GRK4: variants seen among roughly 807,000 people sequenced by gnomAD.
The protein encoded by GRK4 is G protein-coupled receptor kinase 2-like.
A neutral mutation model predicts 77.9 loss-of-function variants in GRK4; 73 were observed. The observed-to-expected ratio is 0.94, with a 90% CI of 0.78 to 1.14. The LOEUF (loss-of-function observed/expected upper bound fraction) is 1.14, where lower values mean the gene tolerates loss of function less well. Ranked by LOEUF, GRK4 falls within the 50% of genes most tolerant of loss-of-function variation. The probability of loss-of-function intolerance (pLI) is 0.00; values close to 1 mark genes in which losing one functional copy is unlikely to be tolerated. For missense variants in GRK4, 729 were observed against 700.2 expected (o/e 1.04, Z -0.46); for synonymous variants, 257 against 254.4 (o/e 1.01, Z -0.10).
chr4:2,986,336 A>G (rs1222269117), intron 2 of GRK4, among the ~76,000 whole-genome samples: 3 of 103,994 alleles, frequency 2.9e-5, no homozygotes, highest in African/African-American at 1.1e-4. Flanking sequence ...AAAGTTCTTT[A>G]TATATAAAAG....
intron 10 of GRK4, among the ~76,000 whole-genome samples, chr4:3,022,971 A>G (rs1256979466): frequency 1.3e-5 from 2 of 152,212 alleles, no homozygotes; most frequent in Admixed American, 6.5e-5. Flanking sequence ...TTACAGGCAT[A>G]AGCCACTGTG....
intron 12 of GRK4, among the ~76,000 whole-genome samples, chr4:3,030,562 A>G (rs1177842080): frequency 6.6e-6 from 1 of 152,158 alleles, no homozygotes; most frequent in Non-Finnish European, 1.5e-5. Context: ...AGGAAACAGA[A>G]CAAATGCATA....
rs1480828232 is a variant in GRK4, at chr4:2,968,961, C to A, written c.52+4839C>A. Among the ~76,000 whole-genome samples, 4 of 151,932 alleles carry A rather than the reference C, an allele frequency of 2.6e-5. No individual in the cohort carries two copies. The East Asian group carries it at 7.7e-4, about 29-fold the overall frequency. On this transcript the variant is annotated intron_variant, in intron 1 of 15. Transcript: ENST00000398052. ...TCCTGCATCCGTGGCTAAGGGGGAA[C>A]CAGGCAGCTGGAATGACAGTCCCAC...
chr4:2,988,449 C>T (rs1359090713), intron 2 of GRK4, among the ~76,000 whole-genome samples: 1 of 151,824 alleles, frequency 6.6e-6, no homozygotes, highest in Non-Finnish European at 1.5e-5. Flanking sequence ...TTTCTATGTT[C>T]TAGATATTAG....
intron 1 of GRK4, chr4:2,965,328 G>A (rs919337662): frequency 1.0e-4 from 71 of 702,912 alleles, no homozygotes; most frequent in East Asian, 2.1e-4. Flanking sequence ...CCTCTGTCTC[G>A]GACCTCATGT....
chr4:3,022,036 C>G (rs1298938131), intron 9 of GRK4, among the ~76,000 whole-genome samples: 5 of 152,120 alleles, frequency 3.3e-5, no homozygotes, highest in East Asian at 1.9e-4. Context: ...ACCACTGCAC[C>G]CAGCTTGAGG....
intron 4 of GRK4, among the ~76,000 whole-genome samples, chr4:3,003,027 C>T (rs192246117): frequency 6.6e-5 from 10 of 152,200 alleles, no homozygotes; most frequent in South Asian, 6.2e-4. Flanking sequence ...TCTCCAGAAC[C>T]GACCTTTTCA....
rs578035370 is a variant in GRK4, at chr4:2,979,056, C to A, written c.53-5457C>A. Among the ~76,000 whole-genome samples the A allele has an allele frequency of 1.8e-4, 27 of 151,768 alleles. No individual in the cohort carries two copies. The South Asian group carries it at 2.3e-3, about 13-fold the overall frequency. ...CATCCTGGTTAACGTGGTGAAACACCGTCTGTAAATACAAAAAAATTAGCC... is the reference window on the plus strand; with the variant it reads ...CATCCTGGTTAACGTGGTGAAACACAGTCTGTAAATACAAAAAAATTAGCC... On this transcript the variant is annotated intron_variant, in intron 1 of 15. Transcript: ENST00000398052.
chr4:2,993,685 AC>A lies in GRK4; in HGVS notation c.339+1394del, dbSNP rs369980891. On this transcript the variant is annotated intron_variant, in intron 4 of 15. Transcript: ENST00000398052. ...GAGACTCTGTCTCAAAACAAAACAA[AC>A]AAAAAAACACAAAAAAATCACTGCT... is the stretch of plus-strand genomic sequence containing the variant. Among the ~76,000 whole-genome samples the A allele has an allele frequency of 7.7e-4, 117 of 152,258 alleles. 1 individual carries two copies. The East Asian group carries it at 0.018, about 23-fold the overall frequency.
intron 5 of GRK4, among the ~76,000 whole-genome samples, chr4:3,005,696 C>T (rs971426184): frequency 2.0e-5 from 3 of 152,002 alleles, no homozygotes; most frequent in Non-Finnish European, 4.4e-5. Context: ...CCCAGCTACT[C>T]AGGAGGCTGA....
At position 3,019,710 on chromosome 4, in the gene GRK4, G is replaced by T. The variant is rs751081081; in HGVS notation, c.811G>T (p.Asp271Tyr). 2 of 1,614,210 alleles carry T rather than the reference G, an allele frequency of 1.2e-6. No homozygotes were observed. Among genetic ancestry groups the T allele is most frequent in the Admixed American group, 3.3e-5 (2 of 60,022 alleles). The change falls in exon 9 of 16, where the codon GAT becomes TAT. Residue 271 changes from aspartate (D) to tyrosine (Y), a missense_variant. Transcript: ENST00000398052. ...CLVLTIMNGGDLKFHIYNLGN... is the reference protein window; with the variant it reads ...CLVLTIMNGGYLKFHIYNLGN... ...GGTGCTCACCATTATGAATGGAGGG[G>T]ATTTGAAGTTTCACATTTACAACCT...
chr4:3,029,122 A>T, intron 11 of GRK4, 79 bp from the exon 12 acceptor site: 1 of 1,094,532 alleles, frequency 9.1e-7, no homozygotes, highest in Non-Finnish European at 1.4e-6. Flanking sequence ...CGTTGAATGT[A>T]TACTGTGTTA....
At chr4:2,984,671 G>A (rs972607348) in intron 2 of GRK4, 63 bp downstream of exon 2, 1 of 778,098 alleles carries the variant, frequency 1.3e-6, no homozygotes, top group African/African-American at 1.8e-5. Flanking sequence ...TTCATTAGAT[G>A]TTATTCTTTC....
At chr4:3,019,601 GC>G in intron 8 of GRK4, 39 bp from the exon 9 acceptor site, 2 of 1,499,138 alleles carry the variant, frequency 1.3e-6, no homozygotes, top group Non-Finnish European at 1.8e-6. Context: ...CAATGAAAGA[GC>G]AAGTTCGTGT....
At chr4:2,965,576 G>T in intron 1 of GRK4, 1 of 651,380 alleles carries the variant, frequency 1.5e-6, no homozygotes, top group Non-Finnish European at 2.8e-6. Context: ...CGAAGGTGGC[G>T]GCCACGCTTG....
chr4:3,018,463 G>T (rs942636661), intron 8 of GRK4, among the ~76,000 whole-genome samples: 10 of 152,202 alleles, frequency 6.6e-5, no homozygotes, highest in Non-Finnish European at 1.3e-4. Flanking sequence ...GAGCCCAGGA[G>T]TTTGAGTCCA....
intron 2 of GRK4, among the ~76,000 whole-genome samples, chr4:2,985,195 G>A (rs952414572): frequency 7.3e-5 from 11 of 151,636 alleles, no homozygotes; most frequent in African/African-American, 2.7e-4. Flanking sequence ...GGCGGATCAC[G>A]AGGTCAGGAG....
At chr4:2,964,717 G>A (rs1716950901) in intron 1 of GRK4, among the ~76,000 whole-genome samples, 1 of 152,094 alleles carries the variant, frequency 6.6e-6, no homozygotes, top group African/African-American at 2.4e-5. Flanking sequence ...ATTAAAGTGA[G>A]GCAGAAATTT....
chr4:3,019,466 A>C (rs1735467667), intron 8 of GRK4, among the ~76,000 whole-genome samples, 175 bp from the exon 9 acceptor site: 1 of 152,224 alleles, frequency 6.6e-6, no homozygotes, highest in African/African-American at 2.4e-5. Flanking sequence ...AATCTTCAGC[A>C]TGCCAAGGTC....
Sources: gnomAD v4.1 joint callset for allele counts (sites outside exome capture counted in the v4.1 genomes callset) on GRCh38, gnomAD v4.1.1 for gene constraint, MANE v1.5 for transcripts, NCBI Gene and HGNC (gene_info 2026-07-23, HGNC 2026-07-21) for gene names.